AMOTL2: variants seen among roughly 807,000 people sequenced by gnomAD.
The protein encoded by AMOTL2 is angiomotin-like protein 2.
AMOTL2 carries 33 observed loss-of-function variants against 78.4 expected under a neutral mutation model. The ratio of observed to expected loss-of-function variants is 0.42; its 90% confidence interval spans 0.32 to 0.56. AMOTL2 has a LOEUF of 0.56. AMOTL2 is among the 20% of genes least tolerant of loss of function. The probability of loss-of-function intolerance (pLI) is 0.12; values close to 1 mark genes in which losing one functional copy is unlikely to be tolerated. For missense variants in AMOTL2, 983 were observed against 1,030.1 expected, an observed-to-expected ratio of 0.95 and a Z score of 0.63; for synonymous variants, 422 against 428.8, an observed-to-expected ratio of 0.98 and a Z score of 0.20.
chr3:134,358,667 A>G lies in AMOTL2; in HGVS notation c.2157T>C (p.His719=). The part of the protein sequence containing the change: ...EPVVTAPPAA[H]AKHGSRDGST... ...TCCCATCTCTGCTCCCGTGTTTGGC[A>G]TGGGCAGCAGGGGGAGCTGTGACCA... The change falls in exon 9 of 10, where the codon CAT becomes CAC. Residue 719 remains histidine (H), a synonymous_variant. Coordinates refer to ENST00000249883, the MANE Select transcript of AMOTL2 (RefSeq NM_016201.4). 6.2e-7 allele frequency: 1 copy of G among 1,614,056 alleles called. No homozygotes were observed. The highest frequency in any genetic ancestry group is 8.5e-7 in the Non-Finnish European group (1 of 1,179,994).
At position 134,371,367 on chromosome 3, in the gene AMOTL2, C is replaced by T. The variant is rs780963891; in HGVS notation, c.67G>A (p.Gly23Ser). ...HRLIQEQLRY[G>S]NLTETRTLLA... The stretch of plus-strand genomic sequence containing the variant: ...AGCGTGCGCGTCTCAGTCAGGTTGC[C>T]GTAGCGCAGCTGCTCCTGGATGAGG... Residue 23 changes from glycine (G) to serine (S), a missense_variant, in exon 2 of 10, where the codon GGC (glycine) becomes AGC (serine). Transcript: ENST00000249883. The T allele has an allele frequency of 6.2e-6, 10 of 1,609,672 alleles. No homozygotes were observed. The highest frequency in any genetic ancestry group is 2.2e-5 in the South Asian group (2 of 91,066).
At chr3:134,375,197 T>A, upstream of AMOTL2, 1 of 1,535,658 alleles carries the variant, frequency 6.5e-7, no homozygotes, top group African/African-American at 1.4e-5. Flanking sequence ...CCCAACTGAA[T>A]CACCCGCCGC....
chr3:134,366,276 C>T lies in AMOTL2; in HGVS notation c.1186+7G>A. 6.2e-7 allele frequency: 1 copy of T among 1,613,752 alleles called. No individual in the cohort carries two copies. Among genetic ancestry groups the T allele is most frequent in the Non-Finnish European group, 8.5e-7 (1 of 1,179,844 alleles). On this transcript the variant is annotated splice_region_variant and intron_variant, in intron 4 of 9. Transcript: ENST00000249883. The stretch of plus-strand genomic sequence containing the variant: ...CTCCAACCTCCACCTGTGTGACTGG[C>T]TCTCACCTCTAAGATCCCGGTTGAA...
chr3:134,374,494 A>G (rs1341580131), upstream of AMOTL2: 9 of 985,430 alleles, frequency 9.1e-6, no homozygotes, highest in Non-Finnish European at 1.1e-5. Flanking sequence ...CCCGCGCCGG[A>G]GGCGGCTGCT....
Position 134,357,353 on chromosome 3 carries a change from T to C in AMOTL2, c.*352A>G. ...CAAACCAACACAGCCACTCCCTCCC[T>C]GCCTGACTGACAACTGGCAGGGCAG... is the stretch of plus-strand genomic sequence containing the variant. On this transcript the variant is annotated 3_prime_UTR_variant, in exon 10 of 10. Coordinates refer to ENST00000249883, the MANE Select transcript of AMOTL2 (RefSeq NM_016201.4). The C allele has an allele frequency of 3.6e-6, 1 of 276,392 alleles. No individual in the cohort carries two copies. Among genetic ancestry groups the C allele is most frequent in the Non-Finnish European group, 7.0e-6 (1 of 141,900 alleles). The allele number at this position is 276,392 out of a possible 1,614,324, so 17.1% of individuals were successfully genotyped here. A position where few individuals can be genotyped will look rare whatever the true frequency, so the allele number is the denominator to read the frequency against.
In AMOTL2 at chr3:134,357,681, CAG is replaced by C. The variant is rs1287018036; in HGVS notation, c.*22_*23del. ...GGGCAGAGGAGGGGAGAGAATGGCT[CAG>C]AGTCCTGAAGCACCACCTCCTTCAG... On this transcript the variant is annotated 3_prime_UTR_variant, in exon 10 of 10. Coordinates refer to ENST00000249883, the MANE Select transcript of AMOTL2 (RefSeq NM_016201.4). The C allele has an allele frequency of 3.1e-6, 5 of 1,613,436 alleles. No homozygotes were observed. In the Admixed American group the frequency reaches 5.0e-5, roughly 16 times the overall value.
chr3:134,373,362 G>A (rs954719055), intron 1 of AMOTL2, among the ~76,000 whole-genome samples: 8 of 152,070 alleles, frequency 5.3e-5, no homozygotes, highest in African/African-American at 1.9e-4. Context: ...CAGATTCCAG[G>A]CGCTCCATAG....
chr3:134,364,135 G>C (rs1006032167), intron 5 of AMOTL2, among the ~76,000 whole-genome samples: 24 of 152,078 alleles, frequency 1.6e-4, no homozygotes, highest in Non-Finnish European at 2.6e-4. Flanking sequence ...CACGTTCCAG[G>C]CTCCCTTTGT....
At chr3:134,359,153 G>A (rs1017783872) in intron 8 of AMOTL2, 130 bp downstream of exon 8, 63 of 1,004,126 alleles carry the variant, frequency 6.3e-5, no homozygotes, top group Non-Finnish European at 8.6e-5. Context: ...GAATAAGCCA[G>A]CTCCCCTGGA....
intron 2 of AMOTL2, among the ~76,000 whole-genome samples, chr3:134,368,081 C>T (rs144433474): frequency 4.6e-5 from 7 of 152,290 alleles, no homozygotes; most frequent in East Asian, 1.9e-4. Context: ...GTTTCATACC[C>T]GCCTCACAGT....
chr3:134,360,940 A>G lies in AMOTL2; in HGVS notation c.1576-527T>C, dbSNP rs530100028. On this transcript the variant is annotated intron_variant, in intron 6 of 9. Coordinates refer to ENST00000249883, the MANE Select transcript of AMOTL2 (RefSeq NM_016201.4). ...TGTAATCCCAGCACTTTGGGAGGCCAAGGTCGGCGGACCACGTGAGGTCAG... is the reference window on the plus strand; with the variant it reads ...TGTAATCCCAGCACTTTGGGAGGCCGAGGTCGGCGGACCACGTGAGGTCAG... 2.0e-5 allele frequency among the ~76,000 whole-genome samples: 3 copies of G among 152,304 alleles called. No individual in the cohort carries two copies. In the South Asian group the frequency reaches 6.2e-4, roughly 32 times the overall value.
chr3:134,370,296 T>G (rs1319650364), intron 2 of AMOTL2, among the ~76,000 whole-genome samples: 2 of 152,218 alleles, frequency 1.3e-5, no homozygotes, highest in African/African-American at 4.8e-5. Flanking sequence ...CTGCTCATAT[T>G]TTCTTAAAAA....
rs1349897176 is a variant in AMOTL2 at position 134,370,908 on chromosome 3, T to C, written c.526A>G (p.Ser176Gly). 4 of 1,612,362 alleles carry C rather than the reference T, an allele frequency of 2.5e-6. No individual in the cohort carries two copies. Among genetic ancestry groups the C allele is most frequent in the Non-Finnish European group, 3.4e-6 (4 of 1,179,438 alleles). The change falls in exon 2 of 10, where the codon AGC becomes GGC. Residue 176 changes from serine to glycine, a missense_variant. Transcript: ENST00000249883. ...SLERNGARAP[S>G]HMSSSHSFPQ... ...AAGCTGTGGGAGGAGCTCATGTGGC[T>C]GGGGGCCCGGGCGCCGTTCCTCTCC... is the stretch of plus-strand genomic sequence containing the variant.
intron 7 of AMOTL2, 42 bp downstream of exon 7, chr3:134,360,064 C>T: frequency 6.4e-7 from 1 of 1,570,554 alleles, no homozygotes; most frequent in African/African-American, 1.3e-5. Context: ...GACATTGCCA[C>T]CCACCCCCCC....
At chr3:134,368,602 G>A (rs939995564) in intron 2 of AMOTL2, among the ~76,000 whole-genome samples, 10 of 152,314 alleles carry the variant, frequency 6.6e-5, no homozygotes, top group African/African-American at 2.2e-4. Context: ...TGAGGATGAC[G>A]CTATGTAAGG....
Position 134,367,563 on chromosome 3 carries a change from C to T in AMOTL2, c.975G>A (p.Gln325=). 1 of 1,613,422 alleles carries T rather than the reference C, an allele frequency of 6.2e-7. No individual in the cohort carries two copies. The highest frequency in any genetic ancestry group is 1.1e-5 in the South Asian group (1 of 91,044). Residue 325 remains glutamine, a synonymous_variant, in exon 3 of 10, where the codon CAG becomes CAA. Transcript: ENST00000249883. Reference sequence around the variant, plus strand: ...CCCTCTGCAGCCGCTCATTGTCTCTCTGCAGCCTGGCATTCTCCCTCAGCA... The same window carrying T: ...CCCTCTGCAGCCGCTCATTGTCTCTTTGCAGCCTGGCATTCTCCCTCAGCA... The part of the protein sequence containing the change: ...EAVLRENARL[Q]RDNERLQREL...
In AMOTL2 at chr3:134,358,673, A is replaced by T; in HGVS notation, c.2151T>A (p.Ala717=). Residue 717 remains alanine, a synonymous_variant, in exon 9 of 10, where the codon GCT becomes GCA. Coordinates refer to ENST00000249883, the MANE Select transcript of AMOTL2 (RefSeq NM_016201.4). ...TEEPVVTAPP[A]AHAKHGSRDG... ...CTCTGCTCCCGTGTTTGGCATGGGC[A>T]GCAGGGGGAGCTGTGACCACTGGCT... 2 of 1,614,134 alleles carry T rather than the reference A, an allele frequency of 1.2e-6. No individual in the cohort carries two copies. The highest frequency in any genetic ancestry group is 1.1e-5 in the South Asian group (1 of 91,074).
chr3:134,358,667 ATGGG>A lies in AMOTL2; in HGVS notation c.2153_2156del (p.Ala718ValfsTer46). The A allele has an allele frequency of 6.2e-7, 1 of 1,614,056 alleles. No individual in the cohort carries two copies. The highest frequency in any genetic ancestry group is 1.1e-5 in the South Asian group (1 of 91,068). On this transcript the variant is annotated frameshift_variant, in exon 9 of 10. Transcript: ENST00000249883. LOFTEE classifies it high-confidence loss of function. ...TCCCATCTCTGCTCCCGTGTTTGGCATGGGCAGCAGGGGGAGCTGTGACCACTGG... is the reference window on the plus strand; with the variant it reads ...TCCCATCTCTGCTCCCGTGTTTGGCACAGCAGGGGGAGCTGTGACCACTGG...
chr3:134,359,259 A>C, intron 8 of AMOTL2, 24 bp downstream of exon 8: 1 of 1,611,134 alleles, frequency 6.2e-7, no homozygotes, highest in African/African-American at 1.3e-5. Flanking sequence ...CTCTCAATCT[A>C]TCCCAGCAGT....
Sources: allele counts gnomAD v4.1 joint callset (sites outside exome capture counted in the v4.1 genomes callset), GRCh38; gene constraint gnomAD v4.1.1; transcripts MANE v1.5; gene names NCBI Gene and HGNC (gene_info 2026-07-23, HGNC 2026-07-21).